Variants in CCSER2 observed in about 807,000 individuals in gnomAD.
CCSER2 encodes coiled-coil serine rich protein 2.
A neutral mutation model predicts 92.3 loss-of-function variants in CCSER2; 46 were observed. The observed-to-expected ratio is 0.50, with a 90% CI of 0.39 to 0.64. The LOEUF is 0.64. Among genes scored for constraint, CCSER2 ranks in the 30% least tolerant of loss-of-function variants. The pLI, the probability that CCSER2 is intolerant of heterozygous loss-of-function variation, is 0.00. For missense variants in CCSER2, 1,244 were observed against 1,238.9 expected, an observed-to-expected ratio of 1.00 and a Z score of -0.06; for synonymous variants, 433 against 431.4, an observed-to-expected ratio of 1.00 and a Z score of -0.04.
intron 4 of CCSER2, among the ~76,000 whole-genome samples, chr10:84,419,364 A>AAAAAAAAATAAAAAT (rs749756409): frequency 2.7e-5 from 4 of 149,912 alleles, no homozygotes; most frequent in African/African-American, 9.8e-5. Flanking sequence ...TCAAAAAAAA[A>AAAAAAAAATAAAAAT]AAAATAAAAT....
chr10:84,348,138 G>A (rs1037603020), intron 1 of CCSER2, among the ~76,000 whole-genome samples: 6 of 152,216 alleles, frequency 3.9e-5, no homozygotes, highest in African/African-American at 1.4e-4. Flanking sequence ...CCGAGATCAC[G>A]CCACTGCACT....
At chr10:84,380,551 A>C (rs908157961) in intron 3 of CCSER2, among the ~76,000 whole-genome samples, 3 of 152,052 alleles carry the variant, frequency 2.0e-5, no homozygotes, top group African/African-American at 7.2e-5. Flanking sequence ...ACCCATTCCC[A>C]TCCTAAGGCC....
chr10:84,418,059 T>A (rs1164885004), intron 4 of CCSER2, among the ~76,000 whole-genome samples, 198 bp downstream of exon 4: 2 of 152,228 alleles, frequency 1.3e-5, no homozygotes, highest in Admixed American at 6.5e-5. Flanking sequence ...GTCTTAGATA[T>A]AATTCTCTAT....
In CCSER2 at chr10:84,371,114, A is replaced by C. The variant is rs1291586074; in HGVS notation, c.62A>C (p.Lys21Thr). ...TCCAAGTTGCCAAAGTATGGAACAAAATCTGTAAGAAGTACATTGCAGCCA... is the reference window on the plus strand; with the variant it reads ...TCCAAGTTGCCAAAGTATGGAACAACATCTGTAAGAAGTACATTGCAGCCA... ...LGSKLPKYGT[K>T]SVRSTLQPMP... The change falls in exon 2 of 10, where the codon AAA becomes ACA. Residue 21 changes from lysine to threonine, a missense_variant. Physicochemically the swap from Lys to Thr is moderately conservative, Grantham distance 78. Coordinates refer to ENST00000372088, the MANE Select transcript of CCSER2 (RefSeq NM_001284240.2). 6.2e-7 allele frequency: 1 copy of C among 1,610,198 alleles called. No homozygotes were observed. Among genetic ancestry groups the C allele is most frequent in the East Asian group, 2.2e-5 (1 of 44,838 alleles).
At chr10:84,409,015 G>GTC (rs1204702233) in intron 3 of CCSER2, among the ~76,000 whole-genome samples, 3 of 151,898 alleles carry the variant, frequency 2.0e-5, no homozygotes, top group East Asian at 1.9e-4. Flanking sequence ...TTTTGAGACA[G>GTC]TCTCTCTCTC....
intron 3 of CCSER2, among the ~76,000 whole-genome samples, chr10:84,380,694 CTTTT>C (rs34999469): frequency 3.0e-5 from 4 of 133,714 alleles, no homozygotes; most frequent in Non-Finnish European, 1.6e-5. Context: ...TGTTCCTTTT[CTTTT>C]TTTTTTTTTT....
chr10:84,405,576 C>T (rs1257583135), intron 3 of CCSER2, among the ~76,000 whole-genome samples: 1 of 151,948 alleles, frequency 6.6e-6, no homozygotes, highest in Admixed American at 6.6e-5. Context: ...AGACTTTTAT[C>T]CAGAATGTAT....
At position 84,371,695 on chromosome 10, in the gene CCSER2, T is replaced by C. The variant is rs559024343; in HGVS notation, c.643T>C (p.Cys215Arg). 6.2e-7 allele frequency: 1 copy of C among 1,613,724 alleles called. No homozygotes were observed. The highest frequency in any genetic ancestry group is 1.3e-5 in the African/African-American group (1 of 75,030). The change falls in exon 2 of 10, where the codon TGT (cysteine) becomes CGT (arginine). Residue 215 changes from cysteine (C) to arginine (R), a missense_variant. Coordinates refer to ENST00000372088, the MANE Select transcript of CCSER2 (RefSeq NM_001284240.2). Reference protein sequence around the residue: ...QSPDSSKSINCEKMVRSQSFS... With the variant: ...QSPDSSKSINREKMVRSQSFS... ...CCCAGACAGTAGTAAATCTATTAAT[T>C]GTGAAAAAATGGTAAGGTCACAAAG... is the stretch of plus-strand genomic sequence containing the variant.
At chr10:84,436,681 G>A (rs1186135129) in intron 5 of CCSER2, among the ~76,000 whole-genome samples, 1 of 151,810 alleles carries the variant, frequency 6.6e-6, no homozygotes, top group Non-Finnish European at 1.5e-5. Context: ...CGGGAGGCAG[G>A]TGTGTTGAGG....
chr10:84,436,068 G>C (rs1017188648), intron 5 of CCSER2, among the ~76,000 whole-genome samples: 1 of 152,086 alleles, frequency 6.6e-6, no homozygotes, highest in Non-Finnish European at 1.5e-5. Context: ...CGTGGCCGAC[G>C]CCTGTAATCC....
At chr10:84,388,039 A>G (rs1200311479) in intron 3 of CCSER2, among the ~76,000 whole-genome samples, 1 of 151,600 alleles carries the variant, frequency 6.6e-6, no homozygotes, top group Admixed American at 6.6e-5. Context: ...AATTTTTTGT[A>G]GTTTTAGTAG....
At chr10:84,444,672 T>C (rs1373357837) in intron 6 of CCSER2, among the ~76,000 whole-genome samples, 1 of 152,204 alleles carries the variant, frequency 6.6e-6, no homozygotes, top group African/African-American at 2.4e-5. Flanking sequence ...ACCATCATTC[T>C]GTGTCCCCTT....
intron 5 of CCSER2, among the ~76,000 whole-genome samples, chr10:84,429,798 C>G (rs1462159681): frequency 6.6e-6 from 1 of 150,594 alleles, no homozygotes; most frequent in East Asian, 1.9e-4. Context: ...TTCTTTCTGC[C>G]CCTCCCCACT....
intron 6 of CCSER2, among the ~76,000 whole-genome samples, chr10:84,440,036 C>T (rs1312965135): frequency 6.6e-6 from 1 of 151,978 alleles, no homozygotes; most frequent in Non-Finnish European, 1.5e-5. Flanking sequence ...GGTGTTTTGC[C>T]CTGAATCATG....
At chr10:84,390,913 G>A (rs1031583038) in intron 3 of CCSER2, 2 of 738,436 alleles carry the variant, frequency 2.7e-6, no homozygotes, top group Admixed American at 1.8e-5. Context: ...CTGCCTAGAA[G>A]AGGAGGCTTG....
At chr10:84,511,844 G>A (rs186962949) in intron 9 of CCSER2, among the ~76,000 whole-genome samples, 1 of 152,260 alleles carries the variant, frequency 6.6e-6, no homozygotes, top group East Asian at 1.9e-4. Flanking sequence ...CGTTTTGCGG[G>A]ACAGTTCATT....
intron 6 of CCSER2, among the ~76,000 whole-genome samples, chr10:84,451,125 G>A (rs1283661195): frequency 4.0e-5 from 6 of 151,888 alleles, no homozygotes; most frequent in Non-Finnish European, 8.8e-5. Context: ...TTTAGAGCAG[G>A]GTATAATACT....
intron 3 of CCSER2, among the ~76,000 whole-genome samples, chr10:84,395,935 G>T (rs1457582328): frequency 6.6e-6 from 1 of 151,988 alleles, no homozygotes; most frequent in Admixed American, 6.6e-5. Context: ...TTGCTACTGA[G>T]GTGTAATTAC....
At chr10:84,473,424 C>T (rs959257676) in intron 8 of CCSER2, among the ~76,000 whole-genome samples, 29 of 152,202 alleles carry the variant, frequency 1.9e-4, no homozygotes, top group Middle Eastern at 3.4e-3. Context: ...GTGGTTTTCT[C>T]AACATAAATT....
Sources: allele counts gnomAD v4.1 joint callset (sites outside exome capture counted in the v4.1 genomes callset), GRCh38; gene constraint gnomAD v4.1.1; transcripts MANE v1.5; gene names NCBI Gene and HGNC (gene_info 2026-07-23, HGNC 2026-07-21).